Variants in ASTN2 observed in about 807,000 individuals in gnomAD.
The protein encoded by ASTN2 is astrotactin-2.
In ASTN2, 54 loss-of-function variants were observed where a neutral mutation model predicts 139.8. The observed-to-expected ratio is 0.39, with a 90% confidence interval of 0.31 to 0.48. The LOEUF is 0.48. Among genes scored for constraint, ASTN2 ranks in the 20% least tolerant of loss-of-function variants. The probability of loss-of-function intolerance (pLI) is 0.95; values close to 1 mark genes in which losing one functional copy is unlikely to be tolerated. For synonymous variants in ASTN2, 756 were observed against 719.5 expected, an observed-to-expected ratio of 1.05 and a Z score of -0.81; for missense variants, 1,565 against 1,725.1, an observed-to-expected ratio of 0.91 and a Z score of 1.64.
chr9:117,106,444 C>T (rs1229733212), intron 4 of ASTN2, among the ~76,000 whole-genome samples: 1 of 151,914 alleles, frequency 6.6e-6, no homozygotes, highest in Admixed American at 6.6e-5. Flanking sequence ...TGATATCCAC[C>T]CCCCTCAGCC....
chr9:116,804,186 T>C (rs974448519), intron 13 of ASTN2, among the ~76,000 whole-genome samples: 2 of 152,108 alleles, frequency 1.3e-5, no homozygotes, highest in Non-Finnish European at 2.9e-5. Context: ...TCCATTCTCA[T>C]TCTGTAAAAT....
At chr9:116,434,065 T>G (rs1381072819) in intron 22 of ASTN2, among the ~76,000 whole-genome samples, 4 of 152,068 alleles carry the variant, frequency 2.6e-5, no homozygotes, top group Non-Finnish European at 5.9e-5. Context: ...AAAGTCAGTG[T>G]GTTTTGTTAG....
chr9:117,097,244 G>T (rs2132756858), intron 4 of ASTN2, among the ~76,000 whole-genome samples: 1 of 152,274 alleles, frequency 6.6e-6, no homozygotes, highest in South Asian at 2.1e-4. Context: ...AGGGAAAAGG[G>T]TAATGCATTC....
chr9:117,310,666 C>T (rs1359072800), intron 1 of ASTN2, among the ~76,000 whole-genome samples: 1 of 152,120 alleles, frequency 6.6e-6, no homozygotes, highest in East Asian at 1.9e-4. Context: ...GTCTCCTGCT[C>T]TGTTGTCCAG....
At chr9:117,212,033 A>C (rs545371755) in intron 3 of ASTN2, among the ~76,000 whole-genome samples, 1 of 152,338 alleles carries the variant, frequency 6.6e-6, no homozygotes, top group Non-Finnish European at 1.5e-5. Flanking sequence ...GTTACTGCAA[A>C]GTAAATGCAG....
chr9:117,032,565 C>A (rs1430873087), intron 6 of ASTN2, among the ~76,000 whole-genome samples: 1 of 152,150 alleles, frequency 6.6e-6, no homozygotes, highest in African/African-American at 2.4e-5. Flanking sequence ...GTGTCATTTT[C>A]CCTTCTAAGA....
chr9:117,175,420 T>A (rs1407811530), intron 3 of ASTN2, among the ~76,000 whole-genome samples: 2 of 152,146 alleles, frequency 1.3e-5, no homozygotes, highest in African/African-American at 2.4e-5. Context: ...ACAGCAAGCC[T>A]TTTCATAAAT....
chr9:116,571,703 C>G (rs1853523092), intron 19 of ASTN2, among the ~76,000 whole-genome samples: 1 of 152,142 alleles, frequency 6.6e-6, no homozygotes, highest in Non-Finnish European at 1.5e-5. Context: ...CTTGAGGCAT[C>G]TGTCATGTGT....
intron 6 of ASTN2, among the ~76,000 whole-genome samples, chr9:117,024,269 G>T (rs1837984979): frequency 6.6e-6 from 1 of 151,946 alleles, no homozygotes; most frequent in Admixed American, 6.6e-5. Context: ...ATGTTTACTG[G>T]GCTCAAGACT....
intron 13 of ASTN2, among the ~76,000 whole-genome samples, chr9:116,790,019 T>G (rs1271032060): frequency 6.8e-6 from 1 of 147,630 alleles, no homozygotes; most frequent in Non-Finnish European, 1.5e-5. Context: ...TCTGCCTCCC[T>G]GGTTCAAGCG....
At chr9:116,503,799 C>T (rs570620552) in intron 19 of ASTN2, among the ~76,000 whole-genome samples, 5 of 152,172 alleles carry the variant, frequency 3.3e-5, no homozygotes, top group African/African-American at 4.8e-5. Context: ...TTACAAAGCA[C>T]GCTCTTTCCT....
intron 2 of ASTN2, among the ~76,000 whole-genome samples, chr9:117,278,641 T>C (rs1402039494): frequency 6.6e-6 from 1 of 152,166 alleles, no homozygotes; most frequent in Non-Finnish European, 1.5e-5. Flanking sequence ...ATGTTATGTC[T>C]CATCAGGGAG....
intron 10 of ASTN2, among the ~76,000 whole-genome samples, chr9:116,936,546 A>C (rs939439979): frequency 6.6e-6 from 1 of 152,200 alleles, no homozygotes; most frequent in Non-Finnish European, 1.5e-5. Flanking sequence ...TCTGGTCACC[A>C]AACCCATGCT....
chr9:116,678,797 T>A (rs1307666273), intron 16 of ASTN2, among the ~76,000 whole-genome samples: 2 of 152,176 alleles, frequency 1.3e-5, no homozygotes, highest in Non-Finnish European at 2.9e-5. Context: ...AGAAAATTGA[T>A]CTGTTTGATA....
chr9:117,301,795 C>G (rs1215492251), intron 1 of ASTN2, among the ~76,000 whole-genome samples: 1 of 152,130 alleles, frequency 6.6e-6, no homozygotes, highest in Non-Finnish European at 1.5e-5. Context: ...AGCATTCTGT[C>G]TTACGGTGAA....
intron 13 of ASTN2, among the ~76,000 whole-genome samples, chr9:116,768,803 G>A (rs1829881545): frequency 6.6e-6 from 1 of 152,132 alleles, no homozygotes; most frequent in Admixed American, 6.5e-5. Flanking sequence ...CACCCTCCAG[G>A]ACTATAAGAA....
intron 2 of ASTN2, among the ~76,000 whole-genome samples, chr9:117,231,090 T>C (rs1832877356): frequency 6.6e-6 from 1 of 152,230 alleles, no homozygotes; most frequent in African/African-American, 2.4e-5. Context: ...TTAAATCCTA[T>C]CTACAGCACT....
rs199996219 is a variant in ASTN2, at chr9:117,411,446, C to CAAAAAAAA, written c.442+3043_442+3050dup. On this transcript the variant is annotated intron_variant, in intron 1 of 22. Coordinates refer to ENST00000313400, the MANE Select transcript of ASTN2 (RefSeq NM_001365068.1). ...AGAAATACAAAAAGGAAAGGATCTG[C>CAAAAAAAA]AAAAAAAAAAAAAAAAAAAAAAAAG... is the stretch of plus-strand genomic sequence containing the variant. Among the ~76,000 whole-genome samples, 4 of 43,224 alleles carry CAAAAAAAA rather than the reference C, an allele frequency of 9.3e-5. 1 individual carries two copies. Among genetic ancestry groups the CAAAAAAAA allele is most frequent in the African/African-American group, 2.9e-4 (3 of 10,386 alleles). The allele number at this position is 43,224 out of a possible 152,430, so 28.4% of individuals were successfully genotyped here. A position where few individuals can be genotyped will look rare whatever the true frequency, so the allele number is the denominator to read the frequency against.
intron 16 of ASTN2, among the ~76,000 whole-genome samples, chr9:116,665,050 T>G (rs550540521): frequency 6.6e-6 from 1 of 152,226 alleles, no homozygotes; most frequent in East Asian, 1.9e-4. Context: ...TCTCTCTTTC[T>G]TGCTCCCTCT....
Sources: gnomAD v4.1 joint callset for allele counts (sites outside exome capture counted in the v4.1 genomes callset) on GRCh38, gnomAD v4.1.1 for gene constraint, MANE v1.5 for transcripts, NCBI Gene and HGNC (gene_info 2026-07-23, HGNC 2026-07-21) for gene names.